Variants in ZNF19 observed in about 807,000 individuals in gnomAD.
ZNF19 encodes zinc finger protein 19 (KOX 12).
A neutral mutation model predicts 13.1 loss-of-function variants in ZNF19; 11 were observed. That is an observed-to-expected ratio of 0.84 (90% CI 0.53 to 1.39). The LOEUF is 1.39. ZNF19 is among the 40% of genes most tolerant of loss of function. The pLI is 0.00. For missense variants in ZNF19, 560 were observed against 547.0 expected, an observed-to-expected ratio of 1.02 and a Z score of -0.24; for synonymous variants, 186 against 187.0, an observed-to-expected ratio of 0.99 and a Z score of 0.04.
At chr16:71,476,811 G>C (rs1007419253) in intron 5 of ZNF19, among the ~76,000 whole-genome samples, 3 of 152,230 alleles carry the variant, frequency 2.0e-5, no homozygotes, top group Non-Finnish European at 4.4e-5. Context: ...GAAGTGCTTA[G>C]AGAGTATTAT....
At chr16:71,479,583 G>C (rs568317091) in intron 3 of ZNF19, among the ~76,000 whole-genome samples, 1 of 152,170 alleles carries the variant, frequency 6.6e-6, no homozygotes, top group Non-Finnish European at 1.5e-5. Context: ...GCATCCTGTA[G>C]AGGGAGCTCA....
intron 1 of ZNF19, among the ~76,000 whole-genome samples, chr16:71,486,295 A>G (rs2043677536): frequency 1.3e-5 from 2 of 152,144 alleles, no homozygotes; most frequent in Non-Finnish European, 2.9e-5. Context: ...TGGGAGGTCA[A>G]GGCTGCAGTG....
At chr16:71,476,942 G>A (rs1179948395) in intron 5 of ZNF19, among the ~76,000 whole-genome samples, 1 of 152,160 alleles carries the variant, frequency 6.6e-6, no homozygotes, top group Non-Finnish European at 1.5e-5. Flanking sequence ...AGAAACTACT[G>A]TCCTAGACTC....
In ZNF19 at chr16:71,474,575, A is replaced by C; in HGVS notation, c.*595T>G. The C allele has an allele frequency of 6.5e-6, 1 of 153,078 alleles. No homozygotes were observed. Among genetic ancestry groups the C allele is most frequent in the Non-Finnish European group, 1.5e-5 (1 of 68,676 alleles). 9.5% of individuals were successfully genotyped at this position (153,078 alleles called of 1,614,324 possible). ...CAGTGGGCTTCCCAATCTCATCACA[A>C]TCATGGGGTTGAGGAGCTGCCATGA... On this transcript the variant is annotated 3_prime_UTR_variant, in exon 6 of 6. Coordinates refer to ENST00000288177, the MANE Select transcript of ZNF19 (RefSeq NM_006961.4).
At chr16:71,479,243 G>T (rs28754484) in intron 3 of ZNF19, 10,618 of 532,520 alleles carry the variant, frequency 0.02, 824 homozygotes, top group African/African-American at 0.17. Context: ...CATAAAATGT[G>T]ATTTAACATT....
At chr16:71,488,008 C>G (rs759026997) in intron 1 of ZNF19, among the ~76,000 whole-genome samples, 1 of 152,064 alleles carries the variant, frequency 6.6e-6, no homozygotes, top group Non-Finnish European at 1.5e-5. Context: ...CTGCTCTTAC[C>G]ACTACTATTT....
chr16:71,478,634 G>A, intron 4 of ZNF19: 1 of 641,116 alleles, frequency 1.6e-6, no homozygotes, highest in Non-Finnish European at 2.7e-6. Context: ...GAGCCTCTTG[G>A]AAGATGGAAC....
In ZNF19 at chr16:71,484,725, T is replaced by G. The variant is rs964368534; in HGVS notation, c.-166A>C. On this transcript the variant is annotated 5_prime_UTR_variant, in exon 2 of 6. Transcript: ENST00000288177. ...GTGTGGTTTTACTCCCGGGAGGAGTTTCCACCCGGGGATCCTCAGAGACCT... is the reference window on the plus strand; with the variant it reads ...GTGTGGTTTTACTCCCGGGAGGAGTGTCCACCCGGGGATCCTCAGAGACCT... 1.3e-5 allele frequency: 13 copies of G among 985,360 alleles called. No homozygotes were observed. The Admixed American group carries it at 6.8e-4, about 51-fold the overall frequency. The allele number at this position is 985,360 out of a possible 1,614,324, so 61.0% of individuals were successfully genotyped here.
chr16:71,482,991 C>A (rs2043647451), intron 2 of ZNF19, among the ~76,000 whole-genome samples: 1 of 152,276 alleles, frequency 6.6e-6, no homozygotes, highest in Non-Finnish European at 1.5e-5. Context: ...GCGTGAGGCA[C>A]CGCCTCCTGC....
chr16:71,481,773 A>G (rs2145170367), intron 3 of ZNF19, among the ~76,000 whole-genome samples: 1 of 152,134 alleles, frequency 6.6e-6, no homozygotes, highest in South Asian at 2.1e-4. Context: ...CTGGATCCCT[A>G]CATCACCAGC....
intron 3 of ZNF19, 133 bp downstream of exon 3, chr16:71,481,949 C>G (rs2043639509): frequency 5.5e-6 from 5 of 908,204 alleles, no homozygotes; most frequent in Non-Finnish European, 8.8e-6. Flanking sequence ...CCCCAGCACC[C>G]AGTCCTACTG....
chr16:71,485,629 A>G (rs80001390), intron 1 of ZNF19, among the ~76,000 whole-genome samples: 11,771 of 152,040 alleles, frequency 0.077, 589 homozygotes, highest in Middle Eastern at 0.15. Flanking sequence ...ATGACCTGAT[A>G]GATGAAGGTG....
intron 1 of ZNF19, among the ~76,000 whole-genome samples, chr16:71,485,767 T>A (rs2043674073): frequency 6.6e-6 from 1 of 152,084 alleles, no homozygotes; most frequent in South Asian, 2.1e-4. Context: ...TCACACACCA[T>A]ACAATTCATC....
intron 1 of ZNF19, among the ~76,000 whole-genome samples, chr16:71,486,686 G>A (rs2043681092): frequency 6.6e-6 from 1 of 152,180 alleles, no homozygotes; most frequent in African/African-American, 2.4e-5. Flanking sequence ...ATGGCAATTT[G>A]TTACAGCAGC....
chr16:71,489,149 T>G (rs1429906615), intron 1 of ZNF19, 123 bp downstream of exon 1: 12 of 717,494 alleles, frequency 1.7e-5, no homozygotes, highest in Non-Finnish European at 1.9e-5. Context: ...CCGGCCACAA[T>G]TGTATAGTGA....
intron 1 of ZNF19, chr16:71,489,062 T>C (rs1452330105): frequency 1.6e-5 from 3 of 189,530 alleles, no homozygotes; most frequent in Non-Finnish European, 2.9e-5. Flanking sequence ...CTTGGGGGGC[T>C]CTTTCTCCAG....
Position 71,475,844 on chromosome 16 carries a change from G to A in ZNF19, c.703C>T (p.His235Tyr). The change falls in exon 6 of 6, where the codon CAT (histidine) becomes TAT (tyrosine). Residue 235 changes from histidine (H) to tyrosine (Y), a missense_variant. By Grantham distance (83) the His-to-Tyr change is moderately conservative. Transcript: ENST00000288177. ...AFNDNANLIR[H>Y]QRIHSGDRPY... Reference sequence around the variant, plus strand: ...CTGTCCCCACTGTGGATTCTCTGATGCCTGATCAGATTTGCATTATCATTA... The same window carrying A: ...CTGTCCCCACTGTGGATTCTCTGATACCTGATCAGATTTGCATTATCATTA... The A allele has an allele frequency of 1.2e-6, 2 of 1,613,786 alleles. No individual in the cohort carries two copies. The highest frequency in any genetic ancestry group is 8.5e-7 in the Non-Finnish European group (1 of 1,179,908).
chr16:71,487,467 T>C (rs899505459), intron 1 of ZNF19: 2 of 152,518 alleles, frequency 1.3e-5, no homozygotes, highest in Non-Finnish European at 2.9e-5. Flanking sequence ...CAGTCTCAGG[T>C]ATATCTGTAT....
chr16:71,476,003 T>A lies in ZNF19; in HGVS notation c.544A>T (p.Ile182Phe), dbSNP rs199580690. Reference protein sequence around the residue: ...YFSYYARHQRIHTGEKPFECS... With the variant: ...YFSYYARHQRFHTGEKPFECS... ...TCAAAAGGTTTCTCCCCAGTGTGGA[T>A]TCTCTGGTGTCTAGCATAGTAAGAA... Residue 182 changes from isoleucine (I) to phenylalanine (F), a missense_variant, in exon 6 of 6, where the codon ATC becomes TTC. Transcript: ENST00000288177. 1 of 1,614,194 alleles carries A rather than the reference T, an allele frequency of 6.2e-7. No individual in the cohort carries two copies. The highest frequency in any genetic ancestry group is 2.2e-5 in the East Asian group (1 of 44,880).
Sources: gnomAD v4.1 joint callset for allele counts (sites outside exome capture counted in the v4.1 genomes callset) on GRCh38, gnomAD v4.1.1 for gene constraint, MANE v1.5 for transcripts, NCBI Gene and HGNC (gene_info 2026-07-23, HGNC 2026-07-21) for gene names.